The following PCSK5 variants were observed in gnomAD, a reference collection of about 807,000 sequenced individuals.
PCSK5 encodes the protein prohormone convertase 5.
PCSK5 carries 129 observed loss-of-function variants against 233.2 expected under a neutral mutation model. That is an observed-to-expected ratio of 0.55 (90% CI 0.48 to 0.64). The LOEUF is 0.64. Ranked by LOEUF, PCSK5 falls within the 30% of genes least tolerant of loss-of-function variation. PCSK5 has a pLI of 0.00. For missense variants in PCSK5, 2,076 were observed against 2,430.1 expected, an observed-to-expected ratio of 0.85 and a Z score of 3.06; for synonymous variants, 825 against 879.2, an observed-to-expected ratio of 0.94 and a Z score of 1.09.
chr9:76,332,572 C>T lies in PCSK5; in HGVS notation c.4710C>T (p.Phe1570=). 6.2e-7 allele frequency: 1 copy of T among 1,606,948 alleles called. No homozygotes were observed. The change falls in exon 34 of 38, where the codon TTC becomes TTT. Residue 1570 remains phenylalanine (F), a synonymous_variant. Coordinates refer to ENST00000674117, the MANE Select transcript of PCSK5 (RefSeq NM_001372043.1). Reference sequence around the variant, plus strand: ...GCCACTCCTGCCGACCGGGCTGGTTCCAGCTAGGAAAAGAGTGCCTGCTCC... The same window carrying T: ...GCCACTCCTGCCGACCGGGCTGGTTTCAGCTAGGAAAAGAGTGCCTGCTCC... ...RQCHSCRPGW[F]QLGKECLLQC...
chr9:76,219,271 G>A (rs550755092), intron 20 of PCSK5, among the ~76,000 whole-genome samples: 1 of 152,278 alleles, frequency 6.6e-6, no homozygotes, highest in African/African-American at 2.4e-5. Flanking sequence ...TGTTGATGCA[G>A]AGAAAGAGAA....
chr9:76,324,770 T>A (rs1488397610), intron 32 of PCSK5, among the ~76,000 whole-genome samples: 1 of 152,094 alleles, frequency 6.6e-6, no homozygotes, highest in African/African-American at 2.4e-5. Context: ...GTGAGAGAAA[T>A]GTTGTGGGGC....
intron 2 of PCSK5, among the ~76,000 whole-genome samples, chr9:75,952,775 C>T (rs1232989088): frequency 6.6e-6 from 1 of 152,138 alleles, no homozygotes; most frequent in African/African-American, 2.4e-5. Flanking sequence ...GAGATTTCAT[C>T]CACGAGGCAG....
At chr9:76,011,086 A>G (rs1827712114) in intron 3 of PCSK5, among the ~76,000 whole-genome samples, 1 of 152,230 alleles carries the variant, frequency 6.6e-6, no homozygotes, top group African/African-American at 2.4e-5. Context: ...TTGCTTGGTT[A>G]GATTCTTGAA....
At chr9:76,024,041 C>T (rs537292723) in intron 4 of PCSK5, among the ~76,000 whole-genome samples, 160 bp downstream of exon 4, 1 of 152,288 alleles carries the variant, frequency 6.6e-6, no homozygotes, top group African/African-American at 2.4e-5. Context: ...TCTTTGAATA[C>T]AGGAAGCATG....
At chr9:76,035,973 CTTATT>C (rs977968609) in intron 5 of PCSK5, among the ~76,000 whole-genome samples, 4 of 151,816 alleles carry the variant, frequency 2.6e-5, no homozygotes, top group Non-Finnish European at 5.9e-5. Context: ...AAGAAAAGCC[CTTATT>C]TTATTTTTTT....
rs768965672 is a variant in PCSK5 at position 75,891,287 on chromosome 9, A to G, written c.106A>G (p.Thr36Ala). 3 of 1,546,836 alleles carry G rather than the reference A, an allele frequency of 1.9e-6. No individual in the cohort carries two copies. The African/African-American group carries it at 4.3e-5, about 22-fold the overall frequency. Residue 36 changes from threonine to alanine, a missense_variant, in exon 1 of 38, where the codon ACC becomes GCC. Around this residue, in one of 6 missense-constraint regions of PCSK5, gnomAD observed 190 missense variants for 216.3 expected, o/e 0.88. Transcript: ENST00000674117. ...LLPVCRTRVY[T>A]NHWAVKIAGG... is the part of the protein sequence containing the mutation. ...CCCCGTGTGTCGGACGCGCGTCTAC[A>G]CCAACCACTGGGCAGTCAAAATCGC...
At chr9:76,225,386 G>A (rs1198552105) in intron 20 of PCSK5, among the ~76,000 whole-genome samples, 3 of 152,080 alleles carry the variant, frequency 2.0e-5, no homozygotes, top group Admixed American at 6.6e-5. Context: ...ATTTTTGTGA[G>A]GTTTTCAGCT....
chr9:76,016,164 CAT>C (rs1402761953), intron 3 of PCSK5, among the ~76,000 whole-genome samples: 1 of 152,216 alleles, frequency 6.6e-6, no homozygotes, highest in Non-Finnish European at 1.5e-5. Context: ...TGATACCTAA[CAT>C]GTAGTGCCAG....
rs975248385 is a variant in PCSK5, at chr9:76,145,454, G to A, written c.1312+11242G>A. Among the ~76,000 whole-genome samples, 5 of 152,214 alleles carry A rather than the reference G, an allele frequency of 3.3e-5. No individual in the cohort carries two copies. The East Asian group carries it at 9.7e-4, about 29-fold the overall frequency. ...AGTCTTCCATGATTATCGTCAACCT[G>A]TCTTGTGAAAATACCACCTCCCCCC... On this transcript the variant is annotated intron_variant, in intron 10 of 37. Coordinates refer to ENST00000674117, the MANE Select transcript of PCSK5 (RefSeq NM_001372043.1).
chr9:76,282,830 C>T (rs931542348), intron 24 of PCSK5, among the ~76,000 whole-genome samples: 3 of 152,058 alleles, frequency 2.0e-5, no homozygotes, highest in Non-Finnish European at 2.9e-5. Context: ...ATGGGATTCA[C>T]CATTCTTGAT....
At chr9:76,279,717 A>C (rs1827808763) in intron 24 of PCSK5, among the ~76,000 whole-genome samples, 1 of 151,884 alleles carries the variant, frequency 6.6e-6, no homozygotes, top group South Asian at 2.1e-4. Flanking sequence ...TCTTCTTTTG[A>C]GAAGTGTCTG....
chr9:76,091,724 C>T (rs1481244790), intron 7 of PCSK5, among the ~76,000 whole-genome samples: 5 of 152,080 alleles, frequency 3.3e-5, no homozygotes, highest in African/African-American at 9.7e-5. Context: ...GCCTGCAGGT[C>T]CAGCACAGGC....
chr9:76,256,510 C>G (rs1360694900), intron 24 of PCSK5, among the ~76,000 whole-genome samples: 2 of 152,200 alleles, frequency 1.3e-5, no homozygotes, highest in African/African-American at 4.8e-5. Flanking sequence ...ATTAAACGTC[C>G]AAGGGCAGTT....
Position 75,952,619 on chromosome 9 carries a change from C to T in PCSK5, c.297+20136C>T, listed in dbSNP as rs374069817. Among the ~76,000 whole-genome samples, 3 of 152,188 alleles carry T rather than the reference C, an allele frequency of 2.0e-5. No homozygotes were observed. In the East Asian group the frequency reaches 5.8e-4, roughly 29 times the overall value. ...TTCTCATGGGTCCCTTTATATTCAG[C>T]TTCTTTCCTTGCCCCTAGCTTCCTG... On this transcript the variant is annotated intron_variant, in intron 2 of 37. Transcript: ENST00000674117.
chr9:75,968,368 A>T (rs1292498753), intron 2 of PCSK5, among the ~76,000 whole-genome samples: 1 of 152,214 alleles, frequency 6.6e-6, no homozygotes, highest in Non-Finnish European at 1.5e-5. Context: ...CAGGTAAGTT[A>T]ATTTATTCAG....
intron 10 of PCSK5, among the ~76,000 whole-genome samples, chr9:76,151,383 T>A (rs1241864672): frequency 6.6e-6 from 1 of 152,194 alleles, no homozygotes; most frequent in African/African-American, 2.4e-5. Flanking sequence ...AACAACTTGA[T>A]TGATGGCAGC....
intron 8 of PCSK5, among the ~76,000 whole-genome samples, chr9:76,097,045 C>T (rs1452586045): frequency 6.6e-6 from 1 of 151,162 alleles, no homozygotes; most frequent in Non-Finnish European, 1.5e-5. Flanking sequence ...GATTCTCCTG[C>T]CTAAGCCTCC....
rs1823340841 is a variant in PCSK5 at position 75,923,414 on chromosome 9, T to C, written c.193-8965T>C. Among the ~76,000 whole-genome samples, 6 of 152,154 alleles carry C rather than the reference T, an allele frequency of 3.9e-5. No homozygotes were observed. The South Asian group carries it at 1.2e-3, about 32-fold the overall frequency. On this transcript the variant is annotated intron_variant, in intron 1 of 37. Transcript: ENST00000674117. ...ATTTTTCTAGGCAGATTCCTTCATT[T>C]TGGGCTTCAGTTTGTTTTGAGAATT...
Sources: allele counts gnomAD v4.1 joint callset (sites outside exome capture counted in the v4.1 genomes callset), GRCh38; gene constraint gnomAD v4.1.1; regional missense constraint gnomAD v4.1.1; transcripts MANE v1.5; gene names NCBI Gene and HGNC (gene_info 2026-07-23, HGNC 2026-07-21).